ETV4: variants seen among roughly 807,000 people sequenced by gnomAD.
The protein encoded by ETV4 is ETS translocation variant 4.
In ETV4, 42 loss-of-function variants were observed where a neutral mutation model predicts 65.9. The observed-to-expected ratio is 0.64, with a 90% CI of 0.50 to 0.82. ETV4 has a LOEUF of 0.82. Among genes scored for constraint, ETV4 ranks in the 40% least tolerant of loss-of-function variants. The pLI, the probability that ETV4 is intolerant of heterozygous loss-of-function variation, is 0.00. For missense variants in ETV4, 583 were observed against 630.3 expected (o/e 0.92, Z 0.80); for synonymous variants, 238 against 260.0 (o/e 0.92, Z 0.81).
In ETV4 at chr17:43,530,115, C is replaced by T. The variant is rs1970828324; in HGVS notation, c.878G>A (p.Gly293Glu). 3 of 1,585,898 alleles carry T rather than the reference C, an allele frequency of 1.9e-6. No homozygotes were observed. The highest frequency in any genetic ancestry group is 2.6e-6 in the Non-Finnish European group (3 of 1,165,676). The change falls in exon 9 of 13, where the codon GGG (glycine) becomes GAG (glutamate). Residue 293 changes from glycine to glutamate, a missense_variant. Coordinates refer to ENST00000319349, the MANE Select transcript of ETV4 (RefSeq NM_001079675.5). The stretch of plus-strand genomic sequence containing the variant: ...AAGGGGGGCTGCCTTACCCATGGCC[C>T]CGTCACCTGGAGAGGGCCCAGAGAA... ...EGFSGPSPGD[G>E]AMGYGYEKPL...
chr17:43,529,789 T>TCCCA lies in ETV4; in HGVS notation c.955+91_955+94dup, dbSNP rs891220860. On this transcript the variant is annotated intron_variant, in intron 10 of 12. Coordinates refer to ENST00000319349, the MANE Select transcript of ETV4 (RefSeq NM_001079675.5). ...GTCTCCCCAGGTACTTTTCTATGGG[T>TCCCA]CCCACCCTCTTGCAACAATGAAACG... 11 of 1,598,418 alleles carry TCCCA rather than the reference T, an allele frequency of 6.9e-6. No homozygotes were observed. The African/African-American group carries it at 1.5e-4, about 21-fold the overall frequency.
intron 4 of ETV4, 76 bp from the exon 5 acceptor site, chr17:43,536,555 G>A (rs1354109737): frequency 1.1e-5 from 15 of 1,309,228 alleles, no homozygotes; most frequent in Non-Finnish European, 1.4e-5. Flanking sequence ...TTACAGCCCT[G>A]CAGATTAGCA....
intron 4 of ETV4, among the ~76,000 whole-genome samples, chr17:43,538,408 G>A (rs928446683): frequency 1.3e-5 from 2 of 152,182 alleles, no homozygotes; most frequent in Non-Finnish European, 2.9e-5. Flanking sequence ...TGAGTACATA[G>A]GTGCCTCATC....
Position 43,528,429 on chromosome 17 carries a change from G to A in ETV4, c.*90C>T, listed in dbSNP as rs1034900105. Reference sequence around the variant, plus strand: ...GGGATCTGCCCCAGAGACATCTGTGGGTTTCAGATGAAGGTTTCCCCAACA... The same window carrying A: ...GGGATCTGCCCCAGAGACATCTGTGAGTTTCAGATGAAGGTTTCCCCAACA... On this transcript the variant is annotated 3_prime_UTR_variant, in exon 13 of 13. Transcript: ENST00000319349. 1.1e-6 allele frequency: 1 copy of A among 871,384 alleles called. No homozygotes were observed. Among genetic ancestry groups the A allele is most frequent in the African/African-American group, 1.7e-5 (1 of 59,012 alleles). 54.0% of individuals were successfully genotyped at this position (871,384 alleles called of 1,614,324 possible). A position where few individuals can be genotyped will look rare whatever the true frequency, so the allele number is the denominator to read the frequency against.
At position 43,545,360 on chromosome 17, in the gene ETV4, G is replaced by T. The variant is rs1314951346; in HGVS notation, c.68C>A (p.Pro23His). 2 of 1,595,864 alleles carry T rather than the reference G, an allele frequency of 1.3e-6. No homozygotes were observed. Among genetic ancestry groups the T allele is most frequent in the South Asian group, 1.1e-5 (1 of 88,448 alleles). The change falls in exon 3 of 13, where the codon CCC (proline) becomes CAC (histidine). Residue 23 changes from proline to histidine, a missense_variant. Pro to His is a moderately conservative substitution (Grantham distance 77). Transcript: ENST00000319349. ...CGCTTCGCGCAAGCTCCCATTTCCG[G>T]GCGATTTCTGCGAGAAGCGGGGAGA... ...QVPYTFSSKS[P>H]GNGSLREALI... is the part of the protein sequence containing the mutation.
rs112942514 is a variant in ETV4 at position 43,528,809 on chromosome 17, G to T, written c.1231-66C>A. The T allele has an allele frequency of 4.1e-3, 5,396 of 1,330,280 alleles. 154 individuals carry two copies. The African/African-American group carries it at 0.061, about 15-fold the overall frequency. 82.4% of individuals were successfully genotyped at this position (1,330,280 alleles called of 1,614,324 possible). ...CCAGCCTTTGTATGGGGTAAGGTGG[G>T]GGAGTGGGGAATGTGGCCCTTCTAC... On this transcript the variant is annotated intron_variant, in intron 12 of 12. Transcript: ENST00000319349.
intron 8 of ETV4, among the ~76,000 whole-genome samples, chr17:43,531,830 G>A (rs1271190297): frequency 6.6e-6 from 1 of 152,174 alleles, no homozygotes; most frequent in Non-Finnish European, 1.5e-5. Flanking sequence ...TTAAGCCTCT[G>A]TGGGGATAGG....
At chr17:43,533,150 C>T in intron 7 of ETV4, 37 bp downstream of exon 7, 1 of 1,607,102 alleles carries the variant, frequency 6.2e-7, no homozygotes. Flanking sequence ...GAAAAAACAC[C>T]TGGGCCCATG....
At chr17:43,536,193 T>A (rs1213388126) in intron 5 of ETV4, 1 of 552,744 alleles carries the variant, frequency 1.8e-6, no homozygotes, top group Non-Finnish European at 3.2e-6. Context: ...ACTTCAGATA[T>A]AAGGCAATGG....
chr17:43,533,602 A>G (rs963399574), intron 6 of ETV4, among the ~76,000 whole-genome samples: 1 of 151,854 alleles, frequency 6.6e-6, no homozygotes, highest in Non-Finnish European at 1.5e-5. Flanking sequence ...GCTCAGAGCA[A>G]TGGTTTAGGT....
rs763650769 is a variant in ETV4, at chr17:43,545,633, G to A, written c.-16C>T. The A allele has an allele frequency of 1.9e-6, 3 of 1,550,086 alleles. No homozygotes were observed. Among genetic ancestry groups the A allele is most frequent in the East Asian group, 4.9e-5 (2 of 40,890 alleles). Reference sequence around the variant, plus strand: ...TCCGCTCCATCCGGCCGCTCCCTCCGGCCGCACGGCCGGGGCCCCAAGCGG... The same window carrying A: ...TCCGCTCCATCCGGCCGCTCCCTCCAGCCGCACGGCCGGGGCCCCAAGCGG... On this transcript the variant is annotated 5_prime_UTR_variant, in exon 2 of 13. Coordinates refer to ENST00000319349, the MANE Select transcript of ETV4 (RefSeq NM_001079675.5).
At position 43,529,870 on chromosome 17, in the gene ETV4, G is replaced by C. The variant is rs1238637859; in HGVS notation, c.955+14C>G. Reference sequence around the variant, plus strand: ...TAAGACCTTGACCCTCCCATCAACAGTCACTTCTCTGACCTTCAAATTTCT... The same window carrying C: ...TAAGACCTTGACCCTCCCATCAACACTCACTTCTCTGACCTTCAAATTTCT... On this transcript the variant is annotated intron_variant, in intron 10 of 12. Transcript: ENST00000319349. 1 of 1,613,870 alleles carries C rather than the reference G, an allele frequency of 6.2e-7. No homozygotes were observed. Among genetic ancestry groups the C allele is most frequent in the African/African-American group, 1.3e-5 (1 of 74,888 alleles).
In ETV4 at chr17:43,529,575, C is replaced by A; in HGVS notation, c.1057G>T (p.Asp353Tyr). ...GCAATGAAATGGGCATTTGTTGGGT[C>A]ATCCAGCAAGGCCACCAGAAATTGC... ...LWQFLVALLD[D>Y]PTNAHFIAWT... The change falls in exon 11 of 13, where the codon GAC becomes TAC. Residue 353 changes from aspartate (D) to tyrosine (Y), a missense_variant. Transcript: ENST00000319349. 6.2e-7 allele frequency: 1 copy of A among 1,614,128 alleles called. No homozygotes were observed. The highest frequency in any genetic ancestry group is 8.5e-7 in the Non-Finnish European group (1 of 1,180,030).
intron 6 of ETV4, among the ~76,000 whole-genome samples, chr17:43,533,578 A>AG (rs1381345843): frequency 6.6e-6 from 1 of 151,764 alleles, no homozygotes; most frequent in Non-Finnish European, 1.5e-5. Context: ...GGATTCATAC[A>AG]GGGGGGATTT....
chr17:43,537,341 G>A (rs1567712813), intron 4 of ETV4, among the ~76,000 whole-genome samples: 3 of 151,970 alleles, frequency 2.0e-5, no homozygotes, highest in Non-Finnish European at 4.4e-5. Context: ...CTCCAGCCTG[G>A]GCAACAAGAG....
Position 43,545,487 on chromosome 17 carries a change from GA to G in ETV4, c.60+70del, listed in dbSNP as rs1357959776. On this transcript the variant is annotated intron_variant, in intron 2 of 12. Transcript: ENST00000319349. ...CCCAGGACTCCGCTGGGACTGCGGG[GA>G]GGGGGGCTGTGGTGAGAGTAGGGGC... The G allele has an allele frequency of 2.0e-6, 3 of 1,468,258 alleles. No individual in the cohort carries two copies. The African/African-American group carries it at 4.2e-5, about 21-fold the overall frequency. The allele number at this position is 1,468,258 out of a possible 1,614,324, so 91.0% of individuals were successfully genotyped here.
chr17:43,542,569 C>T (rs1020343762), intron 4 of ETV4, among the ~76,000 whole-genome samples: 2 of 152,086 alleles, frequency 1.3e-5, no homozygotes, highest in African/African-American at 2.4e-5. Context: ...TCCCAGGCAC[C>T]CCCAAATCAG....
chr17:43,529,441 G>A lies in ETV4; in HGVS notation c.1128+63C>T, dbSNP rs917616917. On this transcript the variant is annotated intron_variant, in intron 11 of 12. Transcript: ENST00000319349. ...TGGAGGCACGTGCCACCATTTCCCA[G>A]GTTCTCCCACCTCCAGGCTGTAAAC... is the stretch of plus-strand genomic sequence containing the variant. 1.2e-5 allele frequency: 18 copies of A among 1,551,478 alleles called. No individual in the cohort carries two copies. The African/African-American group carries it at 2.2e-4, about 19-fold the overall frequency.
chr17:43,539,082 A>C (rs1490490801), intron 4 of ETV4, among the ~76,000 whole-genome samples: 1 of 152,138 alleles, frequency 6.6e-6, no homozygotes, highest in Non-Finnish European at 1.5e-5. Flanking sequence ...CTTGCTCTCC[A>C]CCTAGGTGTC....
Sources: allele counts gnomAD v4.1 joint callset (sites outside exome capture counted in the v4.1 genomes callset), GRCh38; gene constraint gnomAD v4.1.1; transcripts MANE v1.5; gene names NCBI Gene and HGNC (gene_info 2026-07-23, HGNC 2026-07-21).